The following CALCRL variants were observed in gnomAD, a reference collection of about 807,000 sequenced individuals.
CALCRL encodes the protein calcitonin receptor like receptor.
Under a neutral mutation model 60.4 loss-of-function variants are expected in CALCRL, and 27 were observed. The ratio of observed to expected loss-of-function variants is 0.45; its 90% confidence interval spans 0.33 to 0.62. The LOEUF is 0.62. Ranked by LOEUF, CALCRL falls within the 20% of genes least tolerant of loss-of-function variation. The pLI, the probability that CALCRL is intolerant of heterozygous loss-of-function variation, is 0.03. For missense variants in CALCRL, 424 were observed against 540.7 expected, an observed-to-expected ratio of 0.78 and a Z score of 2.14; for synonymous variants, 190 against 182.6, an observed-to-expected ratio of 1.04 and a Z score of -0.33.
chr2:187,403,300 T>C lies in CALCRL; in HGVS notation c.-292-15544A>G, dbSNP rs557607113. 4.6e-5 allele frequency among the ~76,000 whole-genome samples: 7 copies of C among 151,916 alleles called. No homozygotes were observed. The East Asian group carries it at 7.8e-4, about 17-fold the overall frequency. On this transcript the variant is annotated intron_variant, in intron 1 of 14. Transcript: ENST00000392370. ...TCATGGGTATCTGAGTGGGTTCCAA[T>C]CACTACTATAGAGAATACCATAGAA...
chr2:187,356,490 T>C (rs112503553), intron 12 of CALCRL, among the ~76,000 whole-genome samples: 48 of 152,230 alleles, frequency 3.2e-4, no homozygotes, highest in African/African-American at 1.1e-3. Flanking sequence ...CTTTATACCT[T>C]ATACAAAAAA....
chr2:187,364,649 G>A (rs1325919117), intron 8 of CALCRL, among the ~76,000 whole-genome samples: 1 of 152,028 alleles, frequency 6.6e-6, no homozygotes, highest in African/African-American at 2.4e-5. Context: ...GGATGCCACG[G>A]TTTTCTATAT....
At chr2:187,346,854 C>A (rs1686299080) in intron 14 of CALCRL, among the ~76,000 whole-genome samples, 1 of 151,626 alleles carries the variant, frequency 6.6e-6, no homozygotes, top group African/African-American at 2.4e-5. Context: ...GCAGCAGCAG[C>A]AGCAGGGCAG....
chr2:187,445,213 G>A (rs1243104368), intron 1 of CALCRL, among the ~76,000 whole-genome samples: 1 of 151,548 alleles, frequency 6.6e-6, no homozygotes, highest in Non-Finnish European at 1.5e-5. Flanking sequence ...TCATAAGAGC[G>A]TCTTTCATTA....
At chr2:187,348,097 C>A (rs552685187) in intron 14 of CALCRL, among the ~76,000 whole-genome samples, 64 of 151,640 alleles carry the variant, frequency 4.2e-4, no homozygotes, top group African/African-American at 1.3e-3. Context: ...ATTTATCTTG[C>A]AAAAATTAAA....
intron 1 of CALCRL, among the ~76,000 whole-genome samples, chr2:187,403,159 C>T (rs1409698730): frequency 6.6e-6 from 1 of 151,712 alleles, no homozygotes; most frequent in African/African-American, 2.4e-5. Flanking sequence ...GTTACAGAAG[C>T]CTTAAACTGG....
At chr2:187,353,366 A>G (rs1366366122) in intron 12 of CALCRL, among the ~76,000 whole-genome samples, 1 of 151,910 alleles carries the variant, frequency 6.6e-6, no homozygotes, top group Non-Finnish European at 1.5e-5. Context: ...TAAATTTTCA[A>G]TCTATGCACC....
At chr2:187,406,197 A>AAAAG in intron 1 of CALCRL, among the ~76,000 whole-genome samples, 1 of 150,768 alleles carries the variant, frequency 6.6e-6, no homozygotes, top group East Asian at 1.9e-4. Context: ...CAAAAAAAAA[A>AAAAG]ACACAAATCT....
At chr2:187,415,911 G>A in intron 1 of CALCRL, 1 of 245,608 alleles carries the variant, frequency 4.1e-6, no homozygotes. Context: ...TTGCTGGGGA[G>A]TCCCTGCCAC....
chr2:187,427,107 G>T (rs185993788), intron 1 of CALCRL, among the ~76,000 whole-genome samples: 76 of 152,216 alleles, frequency 5.0e-4, no homozygotes, highest in African/African-American at 1.8e-3. Context: ...TGTTTTTTGT[G>T]TGGGGAGGGA....
intron 1 of CALCRL, among the ~76,000 whole-genome samples, chr2:187,431,775 CAA>C (rs139624343): frequency 0.013 from 1,948 of 149,954 alleles, 41 homozygotes; most frequent in African/African-American, 0.044. Context: ...AAAAAAGAAA[CAA>C]ATAAATATTA....
chr2:187,416,544 T>C (rs1472401856), intron 1 of CALCRL, among the ~76,000 whole-genome samples: 1 of 152,096 alleles, frequency 6.6e-6, no homozygotes, highest in Non-Finnish European at 1.5e-5. Flanking sequence ...AAAGAAGAGC[T>C]AGAAATAAGA....
At chr2:187,373,914 A>T (rs1436726899) in intron 8 of CALCRL, among the ~76,000 whole-genome samples, 3 of 152,172 alleles carry the variant, frequency 2.0e-5, no homozygotes, top group Admixed American at 2.0e-4. Flanking sequence ...TAATCCCGAC[A>T]GTTTGGGAGG....
At chr2:187,422,676 C>T (rs1051631425) in intron 1 of CALCRL, among the ~76,000 whole-genome samples, 3 of 151,868 alleles carry the variant, frequency 2.0e-5, no homozygotes, top group Non-Finnish European at 4.4e-5. Flanking sequence ...GTCCAGAAGA[C>T]ATTACCTAAT....
At chr2:187,382,753 C>T (rs1349987701) in intron 5 of CALCRL, among the ~76,000 whole-genome samples, 1 of 151,792 alleles carries the variant, frequency 6.6e-6, no homozygotes, top group East Asian at 1.9e-4. Flanking sequence ...ACCAAATGTA[C>T]TATGCAAAGT....
intron 1 of CALCRL, among the ~76,000 whole-genome samples, chr2:187,424,943 T>C (rs1690054571): frequency 6.6e-6 from 1 of 151,956 alleles, no homozygotes. Flanking sequence ...ATAAGGTTTT[T>C]TATAATGTCA....
chr2:187,416,645 C>T (rs1015933538), intron 1 of CALCRL, among the ~76,000 whole-genome samples: 1 of 151,966 alleles, frequency 6.6e-6, no homozygotes, highest in Non-Finnish European at 1.5e-5. Flanking sequence ...ATCAAGTTAC[C>T]AAGTGTATGG....
intron 8 of CALCRL, among the ~76,000 whole-genome samples, chr2:187,376,671 A>C (rs1029373959): frequency 1.3e-5 from 2 of 152,066 alleles, no homozygotes; most frequent in African/African-American, 2.4e-5. Flanking sequence ...GACTTTAGGA[A>C]ATTGGTGCAG....
chr2:187,351,731 A>G (rs995770367), intron 14 of CALCRL, among the ~76,000 whole-genome samples, 189 bp downstream of exon 14: 4 of 151,820 alleles, frequency 2.6e-5, no homozygotes, highest in African/African-American at 7.2e-5. Context: ...TTGAACTCCA[A>G]TATGACCTGA....
Sources: allele counts gnomAD v4.1 joint callset (sites outside exome capture counted in the v4.1 genomes callset), GRCh38; gene constraint gnomAD v4.1.1; transcripts MANE v1.5; gene names NCBI Gene and HGNC (gene_info 2026-07-23, HGNC 2026-07-21).